Variants in PPM1D observed in about 807,000 individuals in gnomAD.
PPM1D encodes the protein protein phosphatase, Mg2+/Mn2+ dependent 1D, also known as protein phosphatase 1D.
In PPM1D, 52 loss-of-function variants were observed where a neutral mutation model predicts 58.3. The ratio of observed to expected loss-of-function variants is 0.89; its 90% CI spans 0.71 to 1.12. The LOEUF (loss-of-function observed/expected upper bound fraction) is 1.12, where lower values mean the gene tolerates loss of function less well. Among genes scored for constraint, PPM1D ranks in the 50% most tolerant of loss-of-function variants. The probability of loss-of-function intolerance (pLI) is 0.00; values close to 1 mark genes in which losing one functional copy is unlikely to be tolerated. For synonymous variants in PPM1D, 278 were observed against 285.1 expected, an observed-to-expected ratio of 0.98 and a Z score of 0.25; for missense variants, 564 against 777.2, an observed-to-expected ratio of 0.73 and a Z score of 3.26.
intron 4 of PPM1D, among the ~76,000 whole-genome samples, chr17:60,648,388 T>G (rs897960172): frequency 8.4e-6 from 1 of 118,706 alleles, no homozygotes; most frequent in African/African-American, 6.9e-5. Flanking sequence ...AATTTATCGT[T>G]TTTTTTTTTT....
chr17:60,656,317 G>C (rs536271351), intron 4 of PPM1D, among the ~76,000 whole-genome samples: 1 of 151,560 alleles, frequency 6.6e-6, no homozygotes, highest in East Asian at 2.0e-4. Context: ...GCCGGCCATG[G>C]TGGCGGGCGC....
chr17:60,614,000 G>GGGCCCAAGGGCTGAGGAGTGCA (rs543598827), intron 1 of PPM1D, among the ~76,000 whole-genome samples: 7 of 152,152 alleles, frequency 4.6e-5, no homozygotes, highest in Non-Finnish European at 7.4e-5. Context: ...TGAGGAGTGC[G>GGGCCCAAGGGCTGAGGAGTGCA]GGCCCAAGGG....
Position 60,622,617 on chromosome 17 carries a change from T to C in PPM1D, c.473-904T>C, listed in dbSNP as rs1474469927. Among the ~76,000 whole-genome samples, 4 of 152,232 alleles carry C rather than the reference T, an allele frequency of 2.6e-5. No homozygotes were observed. The East Asian group carries it at 7.7e-4, about 29-fold the overall frequency. ...GTTTCTTAATTATTCAAAGTATTGA[T>C]ATCCTTATCTGCAAAATGAGGAATA... On this transcript the variant is annotated intron_variant, in intron 1 of 5. Transcript: ENST00000305921.
chr17:60,638,871 A>G (rs1172040197), intron 3 of PPM1D, among the ~76,000 whole-genome samples: 10 of 152,064 alleles, frequency 6.6e-5, no homozygotes, highest in Non-Finnish European at 1.2e-4. Context: ...ATTGGTACCC[A>G]CCCTATAGAC....
intron 1 of PPM1D, among the ~76,000 whole-genome samples, chr17:60,603,765 A>G (rs79633415): frequency 0.036 from 2 of 56 alleles, no homozygotes. Context: ...CTCCGTCTCA[A>G]AAAAAAAAAA....
In PPM1D at chr17:60,633,896, C is replaced by T; in HGVS notation, c.745C>T (p.Pro249Ser). The change falls in exon 3 of 6, where the codon CCT (proline) becomes TCT (serine). Residue 249 changes from proline to serine, a missense_variant. Pro to Ser is a moderately conservative substitution (Grantham distance 74). Transcript: ENST00000305921. ...SGVNRVVWKR[P>S]RLTHNGPVRR... ...GGTGAATCGTGTAGTTTGGAAACGA[C>T]CTCGACTCACTCACAATGGACCTGT... 1 of 1,613,736 alleles carries T rather than the reference C, an allele frequency of 6.2e-7. No homozygotes were observed. Among genetic ancestry groups the T allele is most frequent in the Non-Finnish European group, 8.5e-7 (1 of 1,179,702 alleles).
chr17:60,641,721 A>G (rs1364731438), intron 3 of PPM1D, among the ~76,000 whole-genome samples: 1 of 152,164 alleles, frequency 6.6e-6, no homozygotes, highest in East Asian at 1.9e-4. Flanking sequence ...TTAATCCATT[A>G]GTTTGTGTTT....
At position 60,663,243 on chromosome 17, in the gene PPM1D, A is replaced by G. The variant is rs1047982960; in HGVS notation, c.1509A>G (p.Ser503=). 3 of 1,614,194 alleles carry G rather than the reference A, an allele frequency of 1.9e-6. No individual in the cohort carries two copies. Among genetic ancestry groups the G allele is most frequent in the Non-Finnish European group, 2.5e-6 (3 of 1,180,036 alleles). The part of the protein sequence containing the change: ...SLPIGLVPTN[S]TNTVMDQKNL... ...CAATTGGCCTTGTGCCTACTAATTC[A>G]ACAAACACTGTCATGGACCAAAAAA... The change falls in exon 6 of 6, where the codon TCA becomes TCG. Residue 503 remains serine, a synonymous_variant. Transcript: ENST00000305921.
At chr17:60,647,082 C>G (rs2031263693) in intron 3 of PPM1D, among the ~76,000 whole-genome samples, 1 of 152,180 alleles carries the variant, frequency 6.6e-6, no homozygotes, top group Admixed American at 6.5e-5. Context: ...CTTGATTAAT[C>G]TTGGCCCTTT....
At chr17:60,612,150 A>G (rs1218751837) in intron 1 of PPM1D, among the ~76,000 whole-genome samples, 1 of 152,212 alleles carries the variant, frequency 6.6e-6, no homozygotes, top group African/African-American at 2.4e-5. Flanking sequence ...AGCCATCATC[A>G]CATTCAAAGC....
intron 2 of PPM1D, among the ~76,000 whole-genome samples, chr17:60,629,717 CT>C (rs1450386821): frequency 4.6e-5 from 7 of 151,926 alleles, no homozygotes; most frequent in African/African-American, 1.7e-4. Context: ...GGCCTGATTC[CT>C]TCTCATTAAT....
intron 2 of PPM1D, 89 bp downstream of exon 2, chr17:60,623,838 T>C: frequency 1.6e-6 from 2 of 1,237,798 alleles, no homozygotes; most frequent in Non-Finnish European, 2.2e-6. Flanking sequence ...ACTGTCCCTT[T>C]TACTGAAGTT....
intron 2 of PPM1D, among the ~76,000 whole-genome samples, chr17:60,626,883 T>C (rs538812775): frequency 1.3e-5 from 2 of 152,308 alleles, no homozygotes; most frequent in East Asian, 1.9e-4. Context: ...TGAGAAATAT[T>C]GAATCTTTTT....
intron 4 of PPM1D, among the ~76,000 whole-genome samples, chr17:60,655,730 C>A (rs1259576940): frequency 3.5e-5 from 5 of 143,686 alleles, no homozygotes; most frequent in Non-Finnish European, 7.5e-5. Context: ...TAAATGGAGT[C>A]TTGCTCTGTT....
At chr17:60,613,572 G>A (rs1415657879) in intron 1 of PPM1D, among the ~76,000 whole-genome samples, 8 of 152,258 alleles carry the variant, frequency 5.3e-5, no homozygotes, top group Non-Finnish European at 1.0e-4. Flanking sequence ...TGGGCTGGCC[G>A]AGGCCGGAGC....
intron 2 of PPM1D, among the ~76,000 whole-genome samples, chr17:60,633,626 C>T (rs2030970452): frequency 6.6e-6 from 1 of 152,018 alleles, no homozygotes; most frequent in Admixed American, 6.6e-5. Flanking sequence ...ACATTACATT[C>T]ATTTGGTTAT....
intron 1 of PPM1D, among the ~76,000 whole-genome samples, chr17:60,608,908 C>A (rs952727379): frequency 6.6e-6 from 1 of 151,708 alleles, no homozygotes; most frequent in Non-Finnish European, 1.5e-5. Context: ...CCACCACGCC[C>A]GGCTAATTTT....
chr17:60,640,951 G>A (rs1203952418), intron 3 of PPM1D, among the ~76,000 whole-genome samples: 1 of 151,410 alleles, frequency 6.6e-6, no homozygotes, highest in African/African-American at 2.4e-5. Flanking sequence ...TTTTGTGGCT[G>A]TGTAGTATTC....
At chr17:60,645,650 A>G (rs1223329704) in intron 3 of PPM1D, among the ~76,000 whole-genome samples, 1 of 140,218 alleles carries the variant, frequency 7.1e-6, no homozygotes, top group Non-Finnish European at 1.5e-5. Flanking sequence ...GTGTGTGTAT[A>G]TATATATATA....
Sources: allele counts gnomAD v4.1 joint callset (sites outside exome capture counted in the v4.1 genomes callset), GRCh38; gene constraint gnomAD v4.1.1; transcripts MANE v1.5; gene names NCBI Gene and HGNC (gene_info 2026-07-23, HGNC 2026-07-21).